CDH13: variants seen among roughly 807,000 people sequenced by gnomAD.
CDH13 encodes the protein cadherin 13.
A neutral mutation model predicts 63.8 loss-of-function variants in CDH13; 24 were observed. The observed-to-expected ratio is 0.38, with a 90% CI of 0.27 to 0.53. CDH13 has a LOEUF of 0.53. Among genes scored for constraint, CDH13 ranks in the 20% least tolerant of loss-of-function variants. The probability of loss-of-function intolerance (pLI) is 0.85; values close to 1 mark genes in which losing one functional copy is unlikely to be tolerated. For missense variants in CDH13, 1,049 were observed against 903.1 expected (o/e 1.16, Z -2.07); for synonymous variants, 503 against 355.3 (o/e 1.42, Z -4.67).
chr16:82,862,612 C>A (rs545885386), intron 2 of CDH13, among the ~76,000 whole-genome samples: 7 of 152,240 alleles, frequency 4.6e-5, no homozygotes, highest in African/African-American at 1.7e-4. Flanking sequence ...TTAGGCCACC[C>A]ACATGCAAAC....
At chr16:82,931,947 C>T (rs1386006441) in intron 2 of CDH13, among the ~76,000 whole-genome samples, 2 of 152,120 alleles carry the variant, frequency 1.3e-5, no homozygotes, top group Non-Finnish European at 2.9e-5. Flanking sequence ...TAGTACAGAG[C>T]TTGACCCTAA....
In CDH13 at chr16:83,449,052, C is replaced by T. The variant is rs75959561; in HGVS notation, c.782-37425C>T. 2.6e-3 allele frequency among the ~76,000 whole-genome samples: 389 copies of T among 152,332 alleles called. 1 individual carries two copies. The highest frequency in any genetic ancestry group is 9.2e-3 in the African/African-American group (381 of 41,570). ...AAGGGAGACCTGGGCTAGTTTTAGA[C>T]TCGAGAATAGATCAAGGGCAATGTG... On this transcript the variant is annotated intron_variant, in intron 6 of 13. Coordinates refer to ENST00000567109, the MANE Select transcript of CDH13 (RefSeq NM_001257.5).
intron 4 of CDH13, among the ~76,000 whole-genome samples, chr16:83,196,083 G>A (rs368508185): frequency 3.3e-5 from 5 of 151,966 alleles, no homozygotes; most frequent in African/African-American, 4.8e-5. Context: ...TGGTGAAACC[G>A]CGTCTCTACT....
chr16:83,055,914 G>A (rs1597236973), intron 3 of CDH13, among the ~76,000 whole-genome samples: 1 of 152,092 alleles, frequency 6.6e-6, no homozygotes, highest in East Asian at 1.9e-4. Context: ...AAGTGAAAAG[G>A]CAGGCTATAC....
At chr16:83,127,617 C>T (rs1165654947) in intron 4 of CDH13, among the ~76,000 whole-genome samples, 1 of 152,116 alleles carries the variant, frequency 6.6e-6, no homozygotes, top group African/African-American at 2.4e-5. Context: ...ATCCCAGCTA[C>T]TTGGGAAGCT....
intron 6 of CDH13, among the ~76,000 whole-genome samples, chr16:83,373,127 A>C (rs576918758): frequency 6.6e-6 from 1 of 152,338 alleles, no homozygotes; most frequent in Admixed American, 6.5e-5. Flanking sequence ...TATTTCCATA[A>C]TATTGAGCAA....
chr16:82,911,779 A>G (rs1323284836), intron 2 of CDH13, among the ~76,000 whole-genome samples: 2 of 151,998 alleles, frequency 1.3e-5, no homozygotes, highest in African/African-American at 4.8e-5. Context: ...CCTCACACCT[A>G]TGCCCCAGGC....
chr16:83,362,573 T>C (rs753137895), intron 6 of CDH13, among the ~76,000 whole-genome samples: 43 of 152,284 alleles, frequency 2.8e-4, no homozygotes, highest in Non-Finnish European at 5.1e-4. Context: ...CCCAGTGAGA[T>C]TGGGTATTAC....
At chr16:82,744,204 A>G (rs2034059362) in intron 1 of CDH13, among the ~76,000 whole-genome samples, 1 of 152,238 alleles carries the variant, frequency 6.6e-6, no homozygotes, top group Non-Finnish European at 1.5e-5. Context: ...TATACCCAGG[A>G]AGCAAATACC....
intron 1 of CDH13, among the ~76,000 whole-genome samples, chr16:82,758,071 T>G (rs2034686625): frequency 6.6e-6 from 1 of 152,142 alleles, no homozygotes; most frequent in African/African-American, 2.4e-5. Flanking sequence ...CTCATCTTTG[T>G]TCATGACCGG....
At chr16:83,766,576 C>G (rs1914403383) in intron 11 of CDH13, among the ~76,000 whole-genome samples, 1 of 152,188 alleles carries the variant, frequency 6.6e-6, no homozygotes, top group South Asian at 2.1e-4. Context: ...AAGACATATG[C>G]TGCATGCCTC....
chr16:83,557,218 C>T (rs901037426), intron 7 of CDH13, among the ~76,000 whole-genome samples: 3 of 152,258 alleles, frequency 2.0e-5, no homozygotes, highest in South Asian at 4.1e-4. Context: ...TGTCACGTCT[C>T]CCATCACCCC....
chr16:83,582,434 T>C (rs1261089921), intron 7 of CDH13, among the ~76,000 whole-genome samples: 3 of 152,292 alleles, frequency 2.0e-5, no homozygotes, highest in Middle Eastern at 3.4e-3. Context: ...CACTGTGCCT[T>C]TCAAAATTTA....
At chr16:83,171,461 T>A (rs2037912344) in intron 4 of CDH13, 1 of 1,362,314 alleles carries the variant, frequency 7.3e-7, no homozygotes, top group Non-Finnish European at 1.0e-6. Flanking sequence ...TCAAAAGCTT[T>A]TCTAATTAGG....
At chr16:83,022,736 C>T (rs1286881277) in intron 2 of CDH13, among the ~76,000 whole-genome samples, 1 of 152,204 alleles carries the variant, frequency 6.6e-6, no homozygotes, top group East Asian at 1.9e-4. Flanking sequence ...TGACCATCCA[C>T]TCTGAAAGGG....
chr16:82,744,983 A>G (rs540786389), intron 1 of CDH13, among the ~76,000 whole-genome samples: 69 of 152,334 alleles, frequency 4.5e-4, no homozygotes, highest in Admixed American at 7.8e-4. Flanking sequence ...GACAGAGTCA[A>G]TTCTTTTCCA....
At chr16:82,659,395 C>T (rs149681133) in intron 1 of CDH13, among the ~76,000 whole-genome samples, 28 of 152,290 alleles carry the variant, frequency 1.8e-4, no homozygotes, top group African/African-American at 6.3e-4. Context: ...AGCAAGGCTA[C>T]GGAAGCACGG....
At chr16:83,591,451 T>G (rs1186840149) in intron 7 of CDH13, among the ~76,000 whole-genome samples, 1 of 152,254 alleles carries the variant, frequency 6.6e-6, no homozygotes, top group Non-Finnish European at 1.5e-5. Flanking sequence ...CTCCTGGGAT[T>G]CACTCTGTTT....
intron 7 of CDH13, among the ~76,000 whole-genome samples, chr16:83,519,797 G>A (rs1168948534): frequency 1.3e-5 from 2 of 152,138 alleles, no homozygotes; most frequent in African/African-American, 2.4e-5. Flanking sequence ...CAGTGTGAAT[G>A]GTGGGGGGAA....
Sources: gnomAD v4.1 joint callset for allele counts (sites outside exome capture counted in the v4.1 genomes callset) on GRCh38, gnomAD v4.1.1 for gene constraint, MANE v1.5 for transcripts, NCBI Gene and HGNC (gene_info 2026-07-23, HGNC 2026-07-21) for gene names.